The following SULF1 variants were observed in gnomAD, a reference collection of about 807,000 sequenced individuals.
SULF1 encodes the protein extracellular sulfatase Sulf-1.
In SULF1, 46 loss-of-function variants were observed where a neutral mutation model predicts 110.5. The ratio of observed to expected loss-of-function variants is 0.42; its 90% CI spans 0.33 to 0.53. The LOEUF is 0.53. Ranked by LOEUF, SULF1 falls within the 20% of genes least tolerant of loss-of-function variation. SULF1 has a pLI of 0.12. For missense variants in SULF1, 941 were observed against 1,094.2 expected (o/e 0.86, Z 1.98); for synonymous variants, 371 against 387.1 (o/e 0.96, Z 0.49).
At chr8:69,473,136 GCC>G (rs1809156609) in intron 1 of SULF1, 2 of 152,080 alleles carry the variant, frequency 1.3e-5, no homozygotes. Context: ...AACCACACCG[GCC>G]CTAAGCCACT....
intron 5 of SULF1, among the ~76,000 whole-genome samples, chr8:69,566,060 C>T (rs1233924432): frequency 6.6e-6 from 1 of 152,040 alleles, no homozygotes. Context: ...CCTTTGCACC[C>T]CGAGAACACG....
At chr8:69,511,881 A>G (rs7845910) in intron 3 of SULF1, among the ~76,000 whole-genome samples, 79,697 of 152,070 alleles carry the variant, frequency 0.52, 21,562 homozygotes, top group South Asian at 0.65. Flanking sequence ...AATTAGCCAC[A>G]CTATTTAAAT....
intron 5 of SULF1, among the ~76,000 whole-genome samples, chr8:69,567,201 G>A (rs1815946931): frequency 6.6e-6 from 1 of 151,944 alleles, no homozygotes; most frequent in Non-Finnish European, 1.5e-5. Flanking sequence ...GTGGGTTGGA[G>A]GTCCAGAAAA....
chr8:69,633,890 G>C (rs1157757569), intron 19 of SULF1, among the ~76,000 whole-genome samples: 1 of 151,796 alleles, frequency 6.6e-6, no homozygotes, highest in East Asian at 1.9e-4. Context: ...CAAATACAAA[G>C]GTATTGTATT....
At chr8:69,630,950 T>A (rs941170210) in intron 19 of SULF1, among the ~76,000 whole-genome samples, 1 of 151,960 alleles carries the variant, frequency 6.6e-6, no homozygotes, top group Non-Finnish European at 1.5e-5. Flanking sequence ...GTATATCTCC[T>A]AATGCTATCC....
chr8:69,656,366 G>C (rs149731582), intron 22 of SULF1, among the ~76,000 whole-genome samples: 502 of 152,258 alleles, frequency 3.3e-3, no homozygotes, highest in African/African-American at 0.012. Context: ...GCGCAGGTTT[G>C]TTACATAGGT....
intron 3 of SULF1, among the ~76,000 whole-genome samples, chr8:69,555,431 G>A (rs1056523485): frequency 6.6e-6 from 1 of 152,224 alleles, no homozygotes; most frequent in South Asian, 2.1e-4. Flanking sequence ...GCCGGGACAG[G>A]CAGATCACTT....
intron 22 of SULF1, among the ~76,000 whole-genome samples, chr8:69,645,883 AAT>A (rs1346052536): frequency 6.6e-6 from 1 of 152,046 alleles, no homozygotes; most frequent in African/African-American, 2.4e-5. Context: ...GAGTACTAAA[AAT>A]AGTTAATTAT....
At chr8:69,634,532 G>A (rs1810824012) in intron 19 of SULF1, among the ~76,000 whole-genome samples, 1 of 152,194 alleles carries the variant, frequency 6.6e-6, no homozygotes, top group Non-Finnish European at 1.5e-5. Context: ...ACTTTGGGAA[G>A]CCGAGGCAGG....
intron 2 of SULF1, among the ~76,000 whole-genome samples, chr8:69,496,342 G>A (rs901465438): frequency 6.6e-5 from 10 of 152,328 alleles, no homozygotes; most frequent in African/African-American, 2.4e-4. Context: ...TTATTAGAAA[G>A]ATAGCATTTG....
intron 1 of SULF1, among the ~76,000 whole-genome samples, chr8:69,482,544 AAT>A (rs138961775): frequency 2.9e-4 from 44 of 150,098 alleles, no homozygotes; most frequent in Admixed American, 3.3e-4. Flanking sequence ...TCAAGGGAGG[AAT>A]ATATATATAT....
intron 1 of SULF1, among the ~76,000 whole-genome samples, chr8:69,480,645 G>A (rs1323516696): frequency 6.6e-6 from 1 of 152,064 alleles, no homozygotes; most frequent in Non-Finnish European, 1.5e-5. Flanking sequence ...AAAAGAAGTA[G>A]CAGTATTCAT....
At chr8:69,559,930 C>T (rs1423668761) in intron 3 of SULF1, among the ~76,000 whole-genome samples, 1 of 152,180 alleles carries the variant, frequency 6.6e-6, no homozygotes, top group East Asian at 1.9e-4. Flanking sequence ...ATATGTGAAG[C>T]TTCTATCATT....
intron 3 of SULF1, among the ~76,000 whole-genome samples, chr8:69,534,870 T>TA (rs5892201): frequency 0.26 from 39,356 of 149,332 alleles, 5,773 homozygotes; most frequent in Non-Finnish European, 0.34. Flanking sequence ...AAAGGAAATT[T>TA]AAAAAAAAAA....
At chr8:69,536,393 C>G (rs189552306) in intron 3 of SULF1, among the ~76,000 whole-genome samples, 3 of 152,288 alleles carry the variant, frequency 2.0e-5, no homozygotes, top group Admixed American at 1.3e-4. Flanking sequence ...TTTGTGTAAA[C>G]TCCATGATCC....
chr8:69,559,366 A>G (rs552666108), intron 3 of SULF1, among the ~76,000 whole-genome samples: 1 of 152,346 alleles, frequency 6.6e-6, no homozygotes, highest in African/African-American at 2.4e-5. Context: ...GGTTCACTGA[A>G]CTATGCGAAT....
Position 69,659,161 on chromosome 8 carries a change from G to T in SULF1, c.*626G>T. On this transcript the variant is annotated 3_prime_UTR_variant, in exon 23 of 23. Coordinates refer to ENST00000402687, the MANE Select transcript of SULF1 (RefSeq NM_001128205.2). ...TCAACTATATCTTCCTGTGCATTCC[G>T]ATGGAATTTCAGTTCATCAGATGTT... The T allele has an allele frequency of 2.2e-6, 1 of 456,718 alleles. No individual in the cohort carries two copies. Among genetic ancestry groups the T allele is most frequent in the East Asian group, 7.0e-5 (1 of 14,386 alleles). 28.3% of individuals were successfully genotyped at this position (456,718 alleles called of 1,614,324 possible).
chr8:69,625,851 A>T (rs542355305), intron 15 of SULF1: 3 of 152,464 alleles, frequency 2.0e-5, no homozygotes, highest in East Asian at 3.9e-4. Context: ...GGCCCCACCC[A>T]CATCCTGCTG....
At chr8:69,551,647 T>C (rs994549286) in intron 3 of SULF1, among the ~76,000 whole-genome samples, 1 of 152,340 alleles carries the variant, frequency 6.6e-6, no homozygotes, top group South Asian at 2.1e-4. Flanking sequence ...CTTCAGCCCA[T>C]GCGAAGGTCT....
Sources: gnomAD v4.1 joint callset for allele counts (sites outside exome capture counted in the v4.1 genomes callset) on GRCh38, gnomAD v4.1.1 for gene constraint, MANE v1.5 for transcripts, NCBI Gene and HGNC (gene_info 2026-07-23, HGNC 2026-07-21) for gene names.